Variants in ESR1 observed in about 807,000 individuals in gnomAD.
The protein encoded by ESR1 is estrogen receptor.
In ESR1, 12 loss-of-function variants were observed where a neutral mutation model predicts 52.7. The observed-to-expected ratio is 0.23, with a 90% CI of 0.15 to 0.37. The LOEUF is 0.37. ESR1 is among the 10% of genes least tolerant of loss of function. The probability of loss-of-function intolerance (pLI) is 1.00; values close to 1 mark genes in which losing one functional copy is unlikely to be tolerated. For synonymous variants in ESR1, 305 were observed against 316.8 expected (o/e 0.96, Z 0.39); for missense variants, 584 against 779.7 (o/e 0.75, Z 2.99).
chr6:152,085,202 C>T (rs1362221094), intron 6 of ESR1, among the ~76,000 whole-genome samples: 2 of 152,020 alleles, frequency 1.3e-5, no homozygotes, highest in Admixed American at 6.6e-5. Context: ...ACTTGAGAGG[C>T]TGAGGTGGGA....
chr6:151,679,616 A>G (rs779830029), intron 1 of ESR1, among the ~76,000 whole-genome samples: 3 of 152,186 alleles, frequency 2.0e-5, no homozygotes, highest in Non-Finnish European at 4.4e-5. Context: ...CAGCCTCCCA[A>G]GAGCTCTCCT....
intron 6 of ESR1, chr6:152,122,820 G>T: frequency 8.0e-7 from 1 of 1,255,164 alleles, no homozygotes; most frequent in Non-Finnish European, 1.1e-6. Flanking sequence ...TCCACAGTGT[G>T]CCCAGGTCAC....
chr6:152,047,837 T>G (rs2046344917), intron 5 of ESR1, among the ~76,000 whole-genome samples: 1 of 152,068 alleles, frequency 6.6e-6, no homozygotes, highest in Non-Finnish European at 1.5e-5. Flanking sequence ...TAAGACCTCT[T>G]CCTGTGGCCT....
chr6:152,084,020 C>A (rs1361002225), intron 6 of ESR1, among the ~76,000 whole-genome samples: 2 of 152,154 alleles, frequency 1.3e-5, no homozygotes, highest in South Asian at 2.1e-4. Context: ...TTGGAACCAA[C>A]CCAAATGTCC....
chr6:151,806,450 A>G (rs967853645), upstream of ESR1, among the ~76,000 whole-genome samples: 3 of 150,858 alleles, frequency 2.0e-5, no homozygotes, highest in African/African-American at 7.3e-5. Flanking sequence ...GCTGCAGCAA[A>G]GGAAGTTTAT....
chr6:151,985,815 T>C (rs1358839765), intron 4 of ESR1, among the ~76,000 whole-genome samples: 1 of 151,972 alleles, frequency 6.6e-6, no homozygotes, highest in Non-Finnish European at 1.5e-5. Context: ...TACAGGTGTG[T>C]GCCACCATCC....
chr6:151,698,549 T>G (rs1779540064), intron 1 of ESR1, among the ~76,000 whole-genome samples: 1 of 152,124 alleles, frequency 6.6e-6, no homozygotes, highest in Non-Finnish European at 1.5e-5. Context: ...GTTATGGGAA[T>G]GGAAAAGCTA....
At chr6:151,809,922 C>T (rs963217767) in intron 1 of ESR1, among the ~76,000 whole-genome samples, 1 of 151,742 alleles carries the variant, frequency 6.6e-6, no homozygotes, top group Non-Finnish European at 1.5e-5. Context: ...TAATTCCACA[C>T]AACATTTAAA....
intron 6 of ESR1, among the ~76,000 whole-genome samples, chr6:152,080,338 A>G (rs2049091980): frequency 6.6e-6 from 1 of 152,180 alleles, no homozygotes; most frequent in Non-Finnish European, 1.5e-5. Flanking sequence ...GCCAATATTC[A>G]ACATTCTTAA....
intron 1 of ESR1, among the ~76,000 whole-genome samples, chr6:151,827,344 C>CAAAA (rs11407983): frequency 1.4e-4 from 11 of 75,872 alleles, no homozygotes; most frequent in African/African-American, 4.1e-4. Context: ...GACCCTGTCT[C>CAAAA]AAAAAAAAAA....
intron 3 of ESR1, among the ~76,000 whole-genome samples, chr6:151,916,865 T>C (rs183752181): frequency 6.8e-4 from 103 of 152,324 alleles, no homozygotes; most frequent in Middle Eastern, 3.4e-3. Flanking sequence ...ATATTTAAGG[T>C]GACAGAGTTC....
At chr6:151,725,195 A>G (rs1781749186) in intron 2 of ESR1, among the ~76,000 whole-genome samples, 1 of 152,112 alleles carries the variant, frequency 6.6e-6, no homozygotes, top group African/African-American at 2.4e-5. Context: ...AACTCATTAA[A>G]CCTATTATTC....
At chr6:151,986,398 T>C (rs1330854077) in intron 4 of ESR1, among the ~76,000 whole-genome samples, 1 of 152,134 alleles carries the variant, frequency 6.6e-6, no homozygotes, top group East Asian at 1.9e-4. Context: ...CTCACTTTCC[T>C]CCTCCCCAGA....
At chr6:151,953,100 A>G (rs1410652364) in intron 4 of ESR1, among the ~76,000 whole-genome samples, 1 of 152,130 alleles carries the variant, frequency 6.6e-6, no homozygotes, top group East Asian at 1.9e-4. Flanking sequence ...ATGGCCCTGA[A>G]ACCACAAGGC....
intron 4 of ESR1, among the ~76,000 whole-genome samples, chr6:151,988,584 G>T (rs2040723710): frequency 6.6e-6 from 1 of 151,992 alleles, no homozygotes. Context: ...GTGGAGGGTG[G>T]GAGGAGGCAG....
intron 1 of ESR1, among the ~76,000 whole-genome samples, chr6:151,664,659 C>A (rs1010819987): frequency 1.3e-5 from 2 of 152,174 alleles, no homozygotes; most frequent in Non-Finnish European, 2.9e-5. Context: ...TTTTTCTCAG[C>A]CCAGAGTGCA....
chr6:151,736,729 A>G (rs771509182), intron 2 of ESR1, among the ~76,000 whole-genome samples: 2 of 152,106 alleles, frequency 1.3e-5, no homozygotes, highest in Non-Finnish European at 2.9e-5. Flanking sequence ...AATTCACAAT[A>G]ACCCTTTGTT....
At chr6:151,900,605 C>T (rs1388770345) in intron 3 of ESR1, among the ~76,000 whole-genome samples, 3 of 152,200 alleles carry the variant, frequency 2.0e-5, no homozygotes, top group African/African-American at 7.2e-5. Flanking sequence ...CTCAAGGCTG[C>T]TGTTCAGATT....
chr6:152,023,294 T>C (rs1056247444), intron 5 of ESR1, among the ~76,000 whole-genome samples: 15 of 152,190 alleles, frequency 9.9e-5, no homozygotes, highest in African/African-American at 3.6e-4. Flanking sequence ...AAGGGAACTT[T>C]TTAAACTAAA....
Sources: gnomAD v4.1 joint callset for allele counts (sites outside exome capture counted in the v4.1 genomes callset) on GRCh38, gnomAD v4.1.1 for gene constraint, MANE v1.5 for transcripts, NCBI Gene and HGNC (gene_info 2026-07-23, HGNC 2026-07-21) for gene names.